BUB1: variants seen among roughly 807,000 people sequenced by gnomAD.
The protein encoded by BUB1 is mitotic checkpoint serine/threonine-protein kinase BUB1.
A neutral mutation model predicts 135.2 loss-of-function variants in BUB1; 84 were observed. That is an observed-to-expected ratio of 0.62 (90% CI 0.52 to 0.74). BUB1 has a LOEUF of 0.74. BUB1 is among the 30% of genes least tolerant of loss of function. The probability of loss-of-function intolerance (pLI) is 0.00; values close to 1 mark genes in which losing one functional copy is unlikely to be tolerated. For synonymous variants in BUB1, 403 were observed against 434.4 expected (o/e 0.93, Z 0.90); for missense variants, 1,162 against 1,288.3 (o/e 0.90, Z 1.50).
chr2:110,664,065 T>C (rs1191443016), intron 9 of BUB1, among the ~76,000 whole-genome samples: 2 of 136,948 alleles, frequency 1.5e-5, no homozygotes, highest in African/African-American at 5.4e-5. Context: ...AAGATGGCCA[T>C]AAAAATTAAG....
Position 110,672,693 on chromosome 2 carries a change from A to G in BUB1, c.390T>C (p.Ala130=), listed in dbSNP as rs2104559266. Reference sequence around the variant, plus strand: ...GTTGTTGCAGGAACTCTCTGGGTTCAGCCTGGTTTTGAATTCCTCTCTGAA... The same window carrying G: ...GTTGTTGCAGGAACTCTCTGGGTTCGGCCTGGTTTTGAATTCCTCTCTGAA... ...AVLQRGIQNQ[A]EPREFLQQQY... is the part of the protein sequence containing the mutation. The change falls in exon 4 of 25, where the codon GCT becomes GCC. Residue 130 remains alanine, a synonymous_variant. Coordinates refer to ENST00000302759, the MANE Select transcript of BUB1 (RefSeq NM_004336.5). 6.2e-7 allele frequency: 1 copy of G among 1,606,292 alleles called. No individual in the cohort carries two copies. Among genetic ancestry groups the G allele is most frequent in the South Asian group, 1.1e-5 (1 of 89,636 alleles).
intron 21 of BUB1, 69 bp downstream of exon 21, chr2:110,641,573 A>C: frequency 6.4e-7 from 1 of 1,562,416 alleles, no homozygotes; most frequent in Admixed American, 1.9e-5. Context: ...CAACCACAAA[A>C]GTACGTGCAA....
intron 21 of BUB1, 25 bp from the exon 22 acceptor site, chr2:110,641,489 CTGAG>C (rs1689502890): frequency 6.3e-7 from 1 of 1,589,200 alleles, no homozygotes. Flanking sequence ...AAGTGGAATC[CTGAG>C]TTAGTTGCAC....
chr2:110,645,158 G>A (rs890579393), intron 19 of BUB1, among the ~76,000 whole-genome samples: 22 of 152,124 alleles, frequency 1.4e-4, no homozygotes, highest in Non-Finnish European at 1.5e-5. Context: ...ATAAGCCCAG[G>A]TGCGGTGGCT....
chr2:110,673,627 T>C (rs1690487623), intron 3 of BUB1, among the ~76,000 whole-genome samples: 1 of 152,014 alleles, frequency 6.6e-6, no homozygotes, highest in Non-Finnish European at 1.5e-5. Flanking sequence ...AGAGTCTCAC[T>C]CTGTCACCCA....
intron 19 of BUB1, among the ~76,000 whole-genome samples, chr2:110,645,393 T>C (rs1399718300): frequency 6.6e-6 from 1 of 150,408 alleles, no homozygotes; most frequent in African/African-American, 2.5e-5. Flanking sequence ...AAGATCATAG[T>C]ACTACGGCAC....
chr2:110,672,744 T>C lies in BUB1; in HGVS notation c.339A>G (p.Gly113=). ...IAWAGHLEAQ[G]ELQHASAVLQ... ...GGACAGCACTGGCATGCTGCAGCTC[T>C]CCTTGGGCTTCCAGATGCCCCGCCC... Residue 113 remains glycine, a synonymous_variant, in exon 4 of 25, where the codon GGA becomes GGG. Transcript: ENST00000302759. 6.2e-7 allele frequency: 1 copy of C among 1,614,154 alleles called. No homozygotes were observed. Among genetic ancestry groups the C allele is most frequent in the Non-Finnish European group, 8.5e-7 (1 of 1,180,008 alleles).
intron 15 of BUB1, 48 bp from the exon 16 acceptor site, chr2:110,655,964 G>C: frequency 6.4e-7 from 1 of 1,556,308 alleles, no homozygotes; most frequent in Non-Finnish European, 8.8e-7. Context: ...TCCCTCTTTA[G>C]TCCATGAAAC....
intron 19 of BUB1, among the ~76,000 whole-genome samples, chr2:110,646,093 A>G (rs1376441622): frequency 6.8e-6 from 1 of 146,666 alleles, no homozygotes; most frequent in Non-Finnish European, 1.5e-5. Context: ...GCACTTTGGG[A>G]GGCCAAGACA....
intron 9 of BUB1, among the ~76,000 whole-genome samples, chr2:110,664,468 A>G (rs1421561162): frequency 6.6e-6 from 1 of 152,186 alleles, no homozygotes; most frequent in Non-Finnish European, 1.5e-5. Flanking sequence ...TCCCTCCTAG[A>G]ACATTGTGCC....
chr2:110,639,925 G>C, intron 23 of BUB1, 77 bp from the exon 24 acceptor site: 1 of 1,202,702 alleles, frequency 8.3e-7, no homozygotes. Context: ...GTCTAACTTA[G>C]GCAGCAAGTT....
chr2:110,673,847 C>T (rs1690497906), intron 3 of BUB1, among the ~76,000 whole-genome samples: 1 of 152,188 alleles, frequency 6.6e-6, no homozygotes, highest in Non-Finnish European at 1.5e-5. Context: ...GATCGACCTG[C>T]CTTGGCCTCC....
chr2:110,649,047 C>T, intron 19 of BUB1, 187 bp downstream of exon 19: 1 of 475,870 alleles, frequency 2.1e-6, no homozygotes, highest in Non-Finnish European at 3.5e-6. Context: ...AGTTATAGTC[C>T]CAACAGCAAG....
At chr2:110,654,176 G>A (rs1335103022) in intron 16 of BUB1, among the ~76,000 whole-genome samples, 1 of 152,170 alleles carries the variant, frequency 6.6e-6, no homozygotes, top group East Asian at 1.9e-4. Flanking sequence ...AGAACCTGAA[G>A]ACAAGAACAT....
Position 110,655,936 on chromosome 2 carries a change from G to GA in BUB1, c.1699-21dup, listed in dbSNP as rs772354111. 1.6e-5 allele frequency: 26 copies of GA among 1,595,236 alleles called. No individual in the cohort carries two copies. Among genetic ancestry groups the GA allele is most frequent in the South Asian group, 6.7e-5 (6 of 89,030 alleles). ...TTCCTCCTATAACAGAAGATGAAAT[G>GA]AAAAAAAAGCAGCAATCTCCCTCTT... On this transcript the variant is annotated intron_variant, in intron 15 of 24. Coordinates refer to ENST00000302759, the MANE Select transcript of BUB1 (RefSeq NM_004336.5).
At chr2:110,667,922 C>T in intron 6 of BUB1, 73 bp from the exon 7 acceptor site, 1 of 1,463,406 alleles carries the variant, frequency 6.8e-7, no homozygotes, top group Non-Finnish European at 9.4e-7. Flanking sequence ...CTTCACAAAA[C>T]AATATGAAAA....
At chr2:110,645,441 CA>C (rs764953204) in intron 19 of BUB1, among the ~76,000 whole-genome samples, 223 of 108,128 alleles carry the variant, frequency 2.1e-3, no homozygotes, top group African/African-American at 4.0e-3. Context: ...GACTCCTTCT[CA>C]AAAAAAAAAA....
rs1451713958 is a variant in BUB1, at chr2:110,641,858, G to C, written c.2464-55C>G. On this transcript the variant is annotated intron_variant, in intron 20 of 24. Transcript: ENST00000302759. ...CAATCTCGTATTCTGAAAAATGATAGCAATAAAGCAACCTCTATCCCAATA... is the reference window on the plus strand; with the variant it reads ...CAATCTCGTATTCTGAAAAATGATACCAATAAAGCAACCTCTATCCCAATA... The C allele has an allele frequency of 2.6e-6, 4 of 1,539,148 alleles. No individual in the cohort carries two copies. In the South Asian group the frequency reaches 4.8e-5, roughly 18 times the overall value.
At position 110,637,846 on chromosome 2, in the gene BUB1, T is replaced by C; in HGVS notation, c.*118A>G. The C allele has an allele frequency of 3.9e-6, 3 of 760,564 alleles. No individual in the cohort carries two copies. Among genetic ancestry groups the C allele is most frequent in the Non-Finnish European group, 5.7e-6 (3 of 529,550 alleles). 47.1% of individuals were successfully genotyped at this position (760,564 alleles called of 1,614,324 possible). A position where few individuals can be genotyped will look rare whatever the true frequency, so the allele number is the denominator to read the frequency against. The stretch of plus-strand genomic sequence containing the variant: ...TAACAACTAAGTTACATGGAAATAT[T>C]CCATGGGATTTATTTTTAACAAACA... On this transcript the variant is annotated 3_prime_UTR_variant, in exon 25 of 25. Coordinates refer to ENST00000302759, the MANE Select transcript of BUB1 (RefSeq NM_004336.5).
Sources: allele counts gnomAD v4.1 joint callset (sites outside exome capture counted in the v4.1 genomes callset), GRCh38; gene constraint gnomAD v4.1.1; transcripts MANE v1.5; gene names NCBI Gene and HGNC (gene_info 2026-07-23, HGNC 2026-07-21).